The following RIN2 variants were observed in gnomAD, a reference collection of about 807,000 sequenced individuals.
RIN2 encodes Ras and Rab interactor 2, also known as RAB5 interacting protein 2.
RIN2 carries 36 observed loss-of-function variants against 78.0 expected under a neutral mutation model. The ratio of observed to expected loss-of-function variants is 0.46; its 90% confidence interval spans 0.35 to 0.61. The LOEUF is 0.61. RIN2 is among the 20% of genes least tolerant of loss of function. The pLI is 0.00. For missense variants in RIN2, 1,087 were observed against 1,159.7 expected, an observed-to-expected ratio of 0.94 and a Z score of 0.91; for synonymous variants, 466 against 466.8, an observed-to-expected ratio of 1.00 and a Z score of 0.02.
At chr20:19,826,757 C>A (rs760715777) in intron 2 of RIN2, among the ~76,000 whole-genome samples, 3 of 152,138 alleles carry the variant, frequency 2.0e-5, no homozygotes, top group Non-Finnish European at 2.9e-5. Context: ...GGGGCCTACT[C>A]CTGTTTGGTG....
chr20:19,887,296 A>G (rs1473544463), intron 2 of RIN2, among the ~76,000 whole-genome samples: 1 of 152,000 alleles, frequency 6.6e-6, no homozygotes, highest in Non-Finnish European at 1.5e-5. Flanking sequence ...AATGCTGGTC[A>G]TGAGCCACTG....
At chr20:19,844,634 T>A (rs930717891) in intron 2 of RIN2, among the ~76,000 whole-genome samples, 1 of 127,716 alleles carries the variant, frequency 7.8e-6, no homozygotes, top group East Asian at 2.2e-4. Context: ...CTTCTTCTTC[T>A]TCTTCTTCTT....
intron 12 of RIN2, among the ~76,000 whole-genome samples, chr20:20,000,289 A>G: frequency 7.8e-6 from 1 of 128,108 alleles, no homozygotes; most frequent in Non-Finnish European, 1.9e-5. Flanking sequence ...CAAGCTGGGA[A>G]TAAACCCAGC....
At chr20:19,894,320 A>G (rs1335017072) in intron 3 of RIN2, among the ~76,000 whole-genome samples, 2 of 152,142 alleles carry the variant, frequency 1.3e-5, no homozygotes, top group East Asian at 3.9e-4. Context: ...CCTGAATCCC[A>G]TAGTTACCCC....
chr20:19,996,699 G>A lies in RIN2; in HGVS notation c.2221G>A (p.Ala741Thr), dbSNP rs189523512. The change falls in exon 12 of 13, where the codon GCA becomes ACA. Residue 741 changes from alanine to threonine, a missense_variant. Ala to Thr is a moderately conservative substitution (Grantham distance 58). This residue lies in a region of RIN2 where 45 missense variants were observed against 88.1 expected (regional missense o/e 0.51). Coordinates refer to ENST00000255006, the MANE Select transcript of RIN2 (RefSeq NM_018993.4). ...HGEGGYYLTS[A>T]YGALSLIKNF... ...TTCAGGAGGCTATTACTTGACAAGC[G>A]CATATGGAGCACTTTCTCTGATAAA... The A allele has an allele frequency of 1.5e-5, 24 of 1,614,038 alleles. No homozygotes were observed. Among genetic ancestry groups the A allele is most frequent in the Middle Eastern group, 1.6e-4 (1 of 6,062 alleles).
intron 9 of RIN2, among the ~76,000 whole-genome samples, chr20:19,980,385 G>A (rs757937720): frequency 5.9e-5 from 9 of 152,130 alleles, no homozygotes; most frequent in Non-Finnish European, 1.3e-4. Flanking sequence ...CCAAAACAAG[G>A]TTGACACCCC....
intron 3 of RIN2, among the ~76,000 whole-genome samples, chr20:19,911,316 G>T (rs974233909): frequency 6.6e-6 from 1 of 152,196 alleles, no homozygotes; most frequent in African/African-American, 2.4e-5. Context: ...GCCTCCCAAA[G>T]TGCTGGGATT....
chr20:19,772,367 A>C (rs185611854), intron 1 of RIN2, among the ~76,000 whole-genome samples: 2 of 152,154 alleles, frequency 1.3e-5, no homozygotes, highest in Admixed American at 1.3e-4. Context: ...TGCCCCCTGA[A>C]CTGATTTTGT....
chr20:19,782,507 G>A (rs1168963039), intron 1 of RIN2, among the ~76,000 whole-genome samples: 3 of 151,106 alleles, frequency 2.0e-5, no homozygotes, highest in African/African-American at 7.3e-5. Context: ...GGAGCTTGCA[G>A]TGAGTTGAGA....
At chr20:19,812,296 T>G (rs930401560) in intron 2 of RIN2, among the ~76,000 whole-genome samples, 3 of 152,190 alleles carry the variant, frequency 2.0e-5, no homozygotes, top group Non-Finnish European at 4.4e-5. Context: ...TACCCAACTG[T>G]TTTCCGAAGA....
At chr20:19,977,675 G>T (rs932154663) in intron 9 of RIN2, among the ~76,000 whole-genome samples, 1 of 152,106 alleles carries the variant, frequency 6.6e-6, no homozygotes, top group Non-Finnish European at 1.5e-5. Context: ...AGAAGCCCAC[G>T]TTTGCTGAGC....
rs879684541 is a variant in RIN2 at position 19,988,919 on chromosome 20, A to ACG, written c.1763-1084_1763-1083dup. On this transcript the variant is annotated intron_variant, in intron 9 of 12. Coordinates refer to ENST00000255006, the MANE Select transcript of RIN2 (RefSeq NM_018993.4). ...TCTCTCTTCACACACACACACACAC[A>ACG]CGCGTGCACACACACAGATACATGC... Among the ~76,000 whole-genome samples, 10 of 149,878 alleles carry ACG rather than the reference A, an allele frequency of 6.7e-5. No homozygotes were observed. In the South Asian group the frequency reaches 8.3e-4, roughly 12 times the overall value.
At chr20:19,918,332 C>T (rs2039767944) in intron 3 of RIN2, among the ~76,000 whole-genome samples, 2 of 150,182 alleles carry the variant, frequency 1.3e-5, no homozygotes, top group Admixed American at 6.7e-5. Context: ...AACGAAAAAA[C>T]GTGACTCTCA....
chr20:19,887,876 G>T (rs554578429), intron 2 of RIN2, among the ~76,000 whole-genome samples: 1 of 152,310 alleles, frequency 6.6e-6, no homozygotes, highest in African/African-American at 2.4e-5. Flanking sequence ...TTAAAACAGG[G>T]TATGCTTTTT....
rs1014630065 is a variant in RIN2 at position 19,973,794 on chromosome 20, A to G, written c.629-860A>G. ...ACAGAGCAAGACTCCGTCTCAAGGG[A>G]AAAAAAAAAAAGAATAACCTATCCC... is the stretch of plus-strand genomic sequence containing the variant. On this transcript the variant is annotated intron_variant, in intron 8 of 12. Transcript: ENST00000255006. 6.9e-5 allele frequency among the ~76,000 whole-genome samples: 10 copies of G among 144,850 alleles called. No individual in the cohort carries two copies. In the Middle Eastern group the frequency reaches 0.011, roughly 159 times the overall value.
chr20:19,872,303 T>G (rs1383807728), intron 2 of RIN2: 3 of 152,198 alleles, frequency 2.0e-5, no homozygotes, highest in Non-Finnish European at 4.4e-5. Context: ...CAGGAAGTTC[T>G]GTATAATAGT....
chr20:19,989,467 G>C (rs1233405317), intron 9 of RIN2, among the ~76,000 whole-genome samples: 2 of 151,904 alleles, frequency 1.3e-5, no homozygotes, highest in South Asian at 2.1e-4. Context: ...GTAGAGATGG[G>C]GTTTCACTAT....
intron 4 of RIN2, among the ~76,000 whole-genome samples, chr20:19,945,641 C>A (rs1268050633): frequency 6.6e-6 from 1 of 152,196 alleles, no homozygotes; most frequent in African/African-American, 2.4e-5. Flanking sequence ...TGTAATTCTA[C>A]ACTAAAGCTC....
chr20:19,783,153 CATA>C (rs2034565086), intron 1 of RIN2, among the ~76,000 whole-genome samples: 4 of 152,206 alleles, frequency 2.6e-5, no homozygotes, highest in African/African-American at 9.7e-5. Flanking sequence ...TGTATCAGAT[CATA>C]ACACAACAAA....
Sources: allele counts gnomAD v4.1 joint callset (sites outside exome capture counted in the v4.1 genomes callset), GRCh38; gene constraint gnomAD v4.1.1; regional missense constraint gnomAD v4.1.1; transcripts MANE v1.5; gene names NCBI Gene and HGNC (gene_info 2026-07-23, HGNC 2026-07-21).